KLHL4: variants seen among roughly 807,000 people sequenced by gnomAD.
The protein encoded by KLHL4 is kelch-like protein 4.
A neutral mutation model predicts 45.8 loss-of-function variants in KLHL4; 17 were observed. The ratio of observed to expected loss-of-function variants is 0.37; its 90% CI spans 0.25 to 0.56. The LOEUF is 0.56. Ranked by LOEUF, KLHL4 falls within the 20% of genes least tolerant of loss-of-function variation. KLHL4 has a pLI of 0.79. For missense variants in KLHL4, 544 were observed against 544.9 expected, an observed-to-expected ratio of 1.00 and a Z score of 0.02; for synonymous variants, 224 against 189.9, an observed-to-expected ratio of 1.18 and a Z score of -1.47.
chrX:87,624,320 A>G (rs1371664335), intron 5 of KLHL4, among the ~76,000 whole-genome samples: 4 of 112,141 alleles, frequency 3.6e-5, no homozygotes, highest in Non-Finnish European at 3.8e-5. Flanking sequence ...GCTTTCCAAA[A>G]GAATTTAAAA....
intron 1 of KLHL4, among the ~76,000 whole-genome samples, chrX:87,588,580 C>A (rs979534465): frequency 9.0e-6 from 1 of 111,127 alleles, no homozygotes; most frequent in African/African-American, 3.3e-5. Flanking sequence ...TGCTGGGAAA[C>A]CTGGATATCT....
intron 5 of KLHL4, 131 bp from the exon 6 acceptor site, chrX:87,625,479 C>T: frequency 2.2e-6 from 1 of 464,334 alleles, no homozygotes; most frequent in South Asian, 5.2e-5. Flanking sequence ...GTTCTACACA[C>T]CTTGGCCTCC....
chrX:87,534,375 A>G (rs1200763399), intron 1 of KLHL4, among the ~76,000 whole-genome samples: 2 of 111,291 alleles, frequency 1.8e-5, no homozygotes, highest in African/African-American at 3.3e-5. Flanking sequence ...TCAGGAACCA[A>G]ACTTTAAAAA....
rs1367051580 is a variant in KLHL4, at chrX:87,654,174, T to C, written c.1926-10590T>C. Among the ~76,000 whole-genome samples, 7 of 111,820 alleles carry C rather than the reference T, an allele frequency of 6.3e-5. No homozygotes were observed. In the Admixed American group the frequency reaches 6.7e-4, roughly 11 times the overall value. ...AATAAAATTTAAAAAAATTAGGCAG[T>C]ATAAGTACAGTTTTGCAACATGGAC... On this transcript the variant is annotated intron_variant, in intron 9 of 10. Coordinates refer to ENST00000373119, the MANE Select transcript of KLHL4 (RefSeq NM_019117.5).
At chrX:87,583,526 C>A (rs1921356243) in intron 1 of KLHL4, among the ~76,000 whole-genome samples, 1 of 112,019 alleles carries the variant, frequency 8.9e-6, no homozygotes, top group Admixed American at 9.4e-5. Context: ...AGTTGTGAGG[C>A]CCACATTCTA....
At chrX:87,599,269 C>T (rs992323814) in intron 1 of KLHL4, among the ~76,000 whole-genome samples, 1 of 110,691 alleles carries the variant, frequency 9.0e-6, no homozygotes, top group African/African-American at 3.3e-5. Flanking sequence ...CCTTAAGTCC[C>T]CACTGCCAGA....
intron 9 of KLHL4, among the ~76,000 whole-genome samples, chrX:87,658,439 G>C (rs1271280990): frequency 9.0e-6 from 1 of 111,425 alleles, no homozygotes; most frequent in African/African-American, 3.3e-5. Flanking sequence ...TGGAATGCGT[G>C]CAACACACTT....
intron 1 of KLHL4, among the ~76,000 whole-genome samples, chrX:87,609,837 G>A (rs1392284791): frequency 3.6e-5 from 4 of 110,714 alleles, no homozygotes; most frequent in African/African-American, 1.3e-4. Context: ...GTCCTTGAAG[G>A]GTGCTAGTCT....
At chrX:87,551,558 G>T (rs1295787902) in intron 1 of KLHL4, among the ~76,000 whole-genome samples, 2 of 107,194 alleles carry the variant, frequency 1.9e-5, no homozygotes, top group Non-Finnish European at 3.9e-5. Flanking sequence ...GCTAAGCATA[G>T]ATAGATAGAC....
rs1922775047 is a variant in KLHL4 at position 87,622,288 on chromosome X, T to C, written c.1002T>C (p.Ser334=). ...ATGAAATTTCAAAACTTCTGTGCAGTGATGACATTAATGTGCCTGATGAAG... is the reference window on the plus strand; with the variant it reads ...ATGAAATTTCAAAACTTCTGTGCAGCGATGACATTAATGTGCCTGATGAAG... ...PANEISKLLC[S]DDINVPDEET... Residue 334 remains serine (S), a synonymous_variant, in exon 5 of 11, where the codon AGT becomes AGC. Transcript: ENST00000373119. 8.3e-7 allele frequency: 1 copy of C among 1,208,618 alleles called. No individual in the cohort carries two copies. The highest frequency in any genetic ancestry group is 1.1e-6 in the Non-Finnish European group (1 of 892,813).
At chrX:87,575,362 A>C (rs763818406) in intron 1 of KLHL4, among the ~76,000 whole-genome samples, 1 of 111,668 alleles carries the variant, frequency 9.0e-6, no homozygotes, top group South Asian at 3.7e-4. Flanking sequence ...ATGAGAATCC[A>C]ATTAATGCCT....
intron 10 of KLHL4, among the ~76,000 whole-genome samples, chrX:87,666,007 C>T (rs756170127): frequency 1.8e-5 from 2 of 111,561 alleles, no homozygotes; most frequent in South Asian, 3.7e-4. Context: ...GACCAGCTTA[C>T]GGGATTTATT....
rs753885528 is a variant in KLHL4 at position 87,666,951 on chromosome X, A to G, written c.*417A>G. On this transcript the variant is annotated 3_prime_UTR_variant, in exon 11 of 11. Coordinates refer to ENST00000373119, the MANE Select transcript of KLHL4 (RefSeq NM_019117.5). The stretch of plus-strand genomic sequence containing the variant: ...AACGTACTCTTATTATCTGGAACAT[A>G]GAAATATAAAAGGTAACATCTAAAG... The G allele has an allele frequency of 7.2e-5, 50 of 693,945 alleles. No individual in the cohort carries two copies. In the African/African-American group the frequency reaches 1.2e-3, roughly 16 times the overall value. 57.2% of individuals were successfully genotyped at this position (693,945 alleles called of 1,213,427 possible).
chrX:87,611,858 G>A (rs1922387392), intron 1 of KLHL4, among the ~76,000 whole-genome samples: 1 of 111,025 alleles, frequency 9.0e-6, no homozygotes, highest in African/African-American at 3.3e-5. Flanking sequence ...AAGAAGTGGA[G>A]GCAGAAGACA....
chrX:87,646,899 G>A (rs1047285302), intron 9 of KLHL4, among the ~76,000 whole-genome samples: 1 of 110,969 alleles, frequency 9.0e-6, no homozygotes, highest in East Asian at 2.8e-4. Flanking sequence ...ATAAATAGAT[G>A]GGACTTAACT....
chrX:87,550,258 G>C (rs1166559854), intron 1 of KLHL4, among the ~76,000 whole-genome samples: 1 of 110,931 alleles, frequency 9.0e-6, no homozygotes, highest in Non-Finnish European at 1.9e-5. Flanking sequence ...TTGAAGCAAA[G>C]AGATGGATAA....
chrX:87,557,780 A>T (rs1031474811), intron 1 of KLHL4, among the ~76,000 whole-genome samples: 1 of 108,372 alleles, frequency 9.2e-6, no homozygotes, highest in East Asian at 3.0e-4. Flanking sequence ...TTATTTTGAA[A>T]ATATTTGTTG....
intron 9 of KLHL4, among the ~76,000 whole-genome samples, chrX:87,639,860 T>C (rs1923391742): frequency 1.9e-5 from 2 of 104,080 alleles, no homozygotes; most frequent in Admixed American, 1.0e-4. Flanking sequence ...CTAAATGAAA[T>C]TGAAACAACA....
chrX:87,531,522 G>A (rs980651980), intron 1 of KLHL4, among the ~76,000 whole-genome samples: 2 of 108,680 alleles, frequency 1.8e-5, no homozygotes, highest in Non-Finnish European at 3.8e-5. Context: ...TATTCAATTA[G>A]GAAAAGAGGA....
Sources: allele counts gnomAD v4.1 joint callset (sites outside exome capture counted in the v4.1 genomes callset), GRCh38; gene constraint gnomAD v4.1.1; transcripts MANE v1.5; gene names NCBI Gene and HGNC (gene_info 2026-07-23, HGNC 2026-07-21).